Variants in RELN observed in about 807,000 individuals in gnomAD.
The protein encoded by RELN is reelin.
Under a neutral mutation model 427.6 loss-of-function variants are expected in RELN, and 108 were observed. The ratio of observed to expected loss-of-function variants is 0.25; its 90% CI spans 0.22 to 0.30. The LOEUF (loss-of-function observed/expected upper bound fraction) is 0.30, where lower values mean the gene tolerates loss of function less well. Among genes scored for constraint, RELN ranks in the 10% least tolerant of loss-of-function variants. The pLI, the probability that RELN is intolerant of heterozygous loss-of-function variation, is 1.00. For missense variants in RELN, 3,715 were observed against 4,302.8 expected (o/e 0.86, Z 3.82); for synonymous variants, 1,524 against 1,513.4 (o/e 1.01, Z -0.16).
chr7:103,508,458 C>T (rs1252275515), intron 51 of RELN, among the ~76,000 whole-genome samples: 3 of 152,192 alleles, frequency 2.0e-5, no homozygotes, highest in East Asian at 3.8e-4. Context: ...AGTAGCCCTT[C>T]ATGTTAAAAA....
chr7:103,488,358 A>G (rs904384254), intron 60 of RELN, among the ~76,000 whole-genome samples: 1 of 152,162 alleles, frequency 6.6e-6, no homozygotes, highest in Non-Finnish European at 1.5e-5. Flanking sequence ...TTCAGGAGAG[A>G]GGGCAAATTC....
intron 3 of RELN, among the ~76,000 whole-genome samples, chr7:103,788,554 CAG>C (rs945569593): frequency 1.3e-5 from 2 of 152,118 alleles, no homozygotes; most frequent in Admixed American, 6.6e-5. Context: ...AATAGACAAA[CAG>C]AGAGCCAAAT....
At chr7:103,482,106 C>T (rs1400821990) in intron 63 of RELN, 1 of 152,124 alleles carries the variant, frequency 6.6e-6, no homozygotes, top group Admixed American at 6.5e-5. Context: ...CTTAAATTTG[C>T]TTGCAAATTG....
Position 103,635,519 on chromosome 7 carries a change from G to A in RELN, c.2371C>T (p.Pro791Ser). ...TAATGCAACAAAACTCCTTCACCAG[G>A]CTGATCAGGGGCTCTGCACGTGCTC... is the stretch of plus-strand genomic sequence containing the variant. ...VLSTCRAPDQPGEGVLLHYSY... is the reference protein window; with the variant it reads ...VLSTCRAPDQSGEGVLLHYSY... Residue 791 changes from proline to serine, a missense_variant, in exon 19 of 65, where the codon CCT (proline) becomes TCT (serine). Physicochemically the swap from Pro to Ser is moderately conservative, Grantham distance 74. Coordinates refer to ENST00000428762, the MANE Select transcript of RELN (RefSeq NM_005045.4). 1 of 1,613,866 alleles carries A rather than the reference G, an allele frequency of 6.2e-7. No homozygotes were observed. The highest frequency in any genetic ancestry group is 8.5e-7 in the Non-Finnish European group (1 of 1,179,864).
chr7:103,863,219 A>C (rs1794112708), intron 2 of RELN, among the ~76,000 whole-genome samples: 1 of 152,184 alleles, frequency 6.6e-6, no homozygotes, highest in African/African-American at 2.4e-5. Context: ...AATCTAAAAG[A>C]GACATGACGC....
intron 3 of RELN, among the ~76,000 whole-genome samples, chr7:103,815,297 C>A (rs1792843844): frequency 6.6e-6 from 1 of 152,100 alleles, no homozygotes; most frequent in African/African-American, 2.4e-5. Context: ...AGGTTTTACA[C>A]ATAATGAATC....
intron 11 of RELN, among the ~76,000 whole-genome samples, chr7:103,680,576 G>T (rs1221101385): frequency 1.3e-5 from 2 of 151,936 alleles, no homozygotes; most frequent in African/African-American, 4.8e-5. Context: ...CAGAAGATAG[G>T]TAGAAAGACT....
intron 22 of RELN, among the ~76,000 whole-genome samples, chr7:103,606,931 T>C (rs1184778119): frequency 1.3e-5 from 2 of 151,882 alleles, no homozygotes; most frequent in Non-Finnish European, 2.9e-5. Flanking sequence ...ACATGCGGTG[T>C]TTGGTTTTTT....
chr7:103,557,731 T>C (rs762396846), intron 37 of RELN, among the ~76,000 whole-genome samples: 56 of 152,180 alleles, frequency 3.7e-4, no homozygotes, highest in Non-Finnish European at 6.6e-4. Context: ...TTAACTACCA[T>C]AGAACTAATA....
At chr7:103,615,629 T>G (rs1226855479) in intron 20 of RELN, among the ~76,000 whole-genome samples, 1 of 152,112 alleles carries the variant, frequency 6.6e-6, no homozygotes, top group Non-Finnish European at 1.5e-5. Context: ...AGAAGGAAAA[T>G]AGAGAAGCTG....
At chr7:103,807,668 G>A (rs1423688291) in intron 3 of RELN, among the ~76,000 whole-genome samples, 1 of 152,030 alleles carries the variant, frequency 6.6e-6, no homozygotes, top group Non-Finnish European at 1.5e-5. Flanking sequence ...TTGTGCCCAT[G>A]TGTATTCAGT....
At chr7:103,498,609 T>C (rs973587025) in intron 53 of RELN, among the ~76,000 whole-genome samples, 2 of 151,990 alleles carry the variant, frequency 1.3e-5, no homozygotes, top group African/African-American at 4.8e-5. Flanking sequence ...CTCATGCCTC[T>C]GCCTCCTGAG....
At position 103,482,946 on chromosome 7, in the gene RELN, G is replaced by A; in HGVS notation, c.10207C>T (p.Leu3403=). ...PLEARMKGVL[L]RWWQPRHNGT... is the part of the protein sequence containing the mutation. Reference sequence around the variant, plus strand: ...TTGTGGCGTGGTTGCCACCAGCGCAGTAAGACTCCTTTCATCCGTGCCTCC... The same window carrying A: ...TTGTGGCGTGGTTGCCACCAGCGCAATAAGACTCCTTTCATCCGTGCCTCC... The change falls in exon 63 of 65, where the codon CTG becomes TTG. Residue 3403 remains leucine (L), a synonymous_variant. Transcript: ENST00000428762. 6.2e-7 allele frequency: 1 copy of A among 1,614,156 alleles called. No individual in the cohort carries two copies. Among genetic ancestry groups the A allele is most frequent in the South Asian group, 1.1e-5 (1 of 91,082 alleles).
At chr7:103,493,907 A>AGACT (rs1828746595) in intron 57 of RELN, among the ~76,000 whole-genome samples, 2 of 152,164 alleles carry the variant, frequency 1.3e-5, no homozygotes, top group Admixed American at 6.5e-5. Context: ...TTTTGAGGAT[A>AGACT]GACTCTCTTT....
At chr7:103,940,023 T>G (rs1796077498) in intron 1 of RELN, among the ~76,000 whole-genome samples, 1 of 152,196 alleles carries the variant, frequency 6.6e-6, no homozygotes, top group Non-Finnish European at 1.5e-5. Context: ...TTATTTATTA[T>G]TTTTCTATAT....
chr7:103,481,746 C>G (rs951098083), intron 63 of RELN, among the ~76,000 whole-genome samples: 7 of 152,174 alleles, frequency 4.6e-5, no homozygotes, highest in African/African-American at 7.2e-5. Context: ...TACATAGATT[C>G]ATTTCAGCAC....
chr7:103,560,990 G>T (rs1006132780), intron 36 of RELN, among the ~76,000 whole-genome samples: 1 of 152,156 alleles, frequency 6.6e-6, no homozygotes, highest in Non-Finnish European at 1.5e-5. Context: ...CACATATGAA[G>T]ATATGCCAGC....
At chr7:103,903,123 C>A (rs947927405) in intron 2 of RELN, among the ~76,000 whole-genome samples, 6 of 151,946 alleles carry the variant, frequency 3.9e-5, no homozygotes, top group African/African-American at 1.4e-4. Flanking sequence ...AAAATGACTG[C>A]GAGGTCAGAG....
chr7:103,919,293 C>T (rs1563091313), intron 1 of RELN, among the ~76,000 whole-genome samples: 1 of 152,010 alleles, frequency 6.6e-6, no homozygotes, highest in Admixed American at 6.6e-5. Context: ...TGTGAATTCT[C>T]TTAACATGCA....
Sources: allele counts gnomAD v4.1 joint callset (sites outside exome capture counted in the v4.1 genomes callset), GRCh38; gene constraint gnomAD v4.1.1; transcripts MANE v1.5; gene names NCBI Gene and HGNC (gene_info 2026-07-23, HGNC 2026-07-21).